WDR49: variants seen among roughly 807,000 people sequenced by gnomAD.
The protein encoded by WDR49 is cilia- and flagella-associated protein 337.
A neutral mutation model predicts 119.5 loss-of-function variants in WDR49; 107 were observed. That is an observed-to-expected ratio of 0.90 (90% CI 0.77 to 1.05). The LOEUF is 1.05. WDR49 is among the 50% of genes least tolerant of loss of function. The pLI is 0.00. For synonymous variants in WDR49, 425 were observed against 418.8 expected, an observed-to-expected ratio of 1.01 and a Z score of -0.18; for missense variants, 1,240 against 1,220.5, an observed-to-expected ratio of 1.02 and a Z score of -0.24.
chr3:167,631,594 G>C (rs1391306796), intron 2 of WDR49, among the ~76,000 whole-genome samples: 1 of 152,030 alleles, frequency 6.6e-6, no homozygotes, highest in Non-Finnish European at 1.5e-5. Flanking sequence ...CACGTTGATG[G>C]GCTGTTTAGT....
intron 18 of WDR49, among the ~76,000 whole-genome samples, chr3:167,494,262 G>A (rs542611836): frequency 6.6e-6 from 1 of 152,288 alleles, no homozygotes; most frequent in African/African-American, 2.4e-5. Flanking sequence ...AAAGCAGAGA[G>A]CTGACTGCAC....
At chr3:167,533,554 G>T (rs771318629) in intron 11 of WDR49, among the ~76,000 whole-genome samples, 2 of 151,618 alleles carry the variant, frequency 1.3e-5, no homozygotes, top group African/African-American at 4.8e-5. Context: ...TGTGTGGGTG[G>T]GTGTGTGTGT....
At chr3:167,553,436 G>A (rs1404873070) in intron 10 of WDR49, among the ~76,000 whole-genome samples, 1 of 151,834 alleles carries the variant, frequency 6.6e-6, no homozygotes, top group Non-Finnish European at 1.5e-5. Context: ...ATTTTCCCTT[G>A]TAAGCAATCA....
chr3:167,586,093 A>G (rs561286664), intron 7 of WDR49, among the ~76,000 whole-genome samples: 14 of 152,364 alleles, frequency 9.2e-5, no homozygotes, highest in South Asian at 4.1e-4. Context: ...GGTCTACAAT[A>G]TAGAAGCCAG....
At chr3:167,487,146 A>G (rs575455121) in intron 18 of WDR49, among the ~76,000 whole-genome samples, 1 of 152,250 alleles carries the variant, frequency 6.6e-6, no homozygotes, top group African/African-American at 2.4e-5. Flanking sequence ...AGGCCACAGT[A>G]ACCAAAACAG....
At chr3:167,491,589 G>A (rs754493171) in intron 18 of WDR49, among the ~76,000 whole-genome samples, 6 of 152,062 alleles carry the variant, frequency 3.9e-5, no homozygotes, top group Non-Finnish European at 8.8e-5. Flanking sequence ...CGTACATTTT[G>A]TCTTTCACAG....
chr3:167,641,628 A>T (rs1717885390), intron 2 of WDR49, among the ~76,000 whole-genome samples: 1 of 151,930 alleles, frequency 6.6e-6, no homozygotes, highest in African/African-American at 2.4e-5. Context: ...TGGAAGTCCT[A>T]TGTAGATAGT....
intron 10 of WDR49, among the ~76,000 whole-genome samples, chr3:167,549,816 T>G (rs1218039502): frequency 6.6e-6 from 1 of 152,216 alleles, no homozygotes; most frequent in Non-Finnish European, 1.5e-5. Context: ...CCAGGATGTT[T>G]ACGGTTTTAG....
At chr3:167,622,933 A>C (rs577144289) in intron 3 of WDR49, among the ~76,000 whole-genome samples, 3 of 152,132 alleles carry the variant, frequency 2.0e-5, no homozygotes, top group Non-Finnish European at 4.4e-5. Context: ...TGGGAAATTC[A>C]CAGCTACATG....
At chr3:167,626,800 A>T in intron 3 of WDR49, 52 bp downstream of exon 3, 2 of 1,219,704 alleles carry the variant, frequency 1.6e-6, no homozygotes, top group Non-Finnish European at 2.1e-6. Flanking sequence ...GCCCTGCCCC[A>T]TAAGTTTTCC....
intron 7 of WDR49, among the ~76,000 whole-genome samples, chr3:167,578,248 C>A (rs1233311808): frequency 1.3e-5 from 2 of 152,066 alleles, no homozygotes; most frequent in African/African-American, 4.8e-5. Flanking sequence ...GGTAGTCATC[C>A]AGCCCTTGTT....
intron 7 of WDR49, among the ~76,000 whole-genome samples, chr3:167,596,444 A>G (rs1271114796): frequency 6.6e-6 from 1 of 151,606 alleles, no homozygotes; most frequent in Admixed American, 6.6e-5. Context: ...GGCATTATTC[A>G]CAATAGCAAA....
At position 167,560,112 on chromosome 3, in the gene WDR49, A is replaced by T. The variant is rs147042567; in HGVS notation, c.1626T>A (p.Asp542Glu). The T allele has an allele frequency of 1.2e-6, 2 of 1,614,212 alleles. No individual in the cohort carries two copies. Among genetic ancestry groups the T allele is most frequent in the Non-Finnish European group, 1.7e-6 (2 of 1,180,030 alleles). Residue 542 changes from aspartate (D) to glutamate (E), a missense_variant, in exon 9 of 19, where the codon GAT becomes GAA. Transcript: ENST00000682715. ...GNAEISTMAL[D>E]ANETRLLTGS... ...CAGTCAAAAGCCGAGTCTCATTTGCATCAAGGGCCATAGTGCTGATTTCTG... is the reference window on the plus strand; with the variant it reads ...CAGTCAAAAGCCGAGTCTCATTTGCTTCAAGGGCCATAGTGCTGATTTCTG...
intron 3 of WDR49, among the ~76,000 whole-genome samples, chr3:167,624,352 A>AAG (rs1486635223): frequency 6.6e-6 from 1 of 151,782 alleles, no homozygotes; most frequent in Non-Finnish European, 1.5e-5. Context: ...TGGTAAAAAA[A>AAG]AAAAGAAAAG....
chr3:167,493,804 G>T (rs1258821440), intron 18 of WDR49, among the ~76,000 whole-genome samples: 10 of 152,202 alleles, frequency 6.6e-5, no homozygotes, highest in African/African-American at 2.4e-4. Context: ...TCTCAGAAAG[G>T]TGTCAGCTTT....
intron 13 of WDR49, among the ~76,000 whole-genome samples, chr3:167,529,510 TG>T (rs1432152615): frequency 6.6e-6 from 1 of 152,192 alleles, no homozygotes; most frequent in Non-Finnish European, 1.5e-5. Context: ...TCTGATGTTT[TG>T]GGGGTATTTA....
intron 2 of WDR49, among the ~76,000 whole-genome samples, chr3:167,628,715 T>C (rs1203636270): frequency 1.3e-5 from 2 of 152,156 alleles, no homozygotes; most frequent in African/African-American, 4.8e-5. Flanking sequence ...GCAAGTTATC[T>C]ATAATCTCTA....
chr3:167,532,938 G>A lies in WDR49; in HGVS notation c.1994C>T (p.Thr665Ile), dbSNP rs755342667. The A allele has an allele frequency of 1.2e-6, 2 of 1,609,596 alleles. No homozygotes were observed. The highest frequency in any genetic ancestry group is 8.5e-7 in the Non-Finnish European group (1 of 1,176,958). Residue 665 changes from threonine to isoleucine, a missense_variant, in exon 12 of 19, where the codon ACA becomes ATA. Physicochemically the swap from Thr to Ile is moderately conservative, Grantham distance 89. Transcript: ENST00000682715. Reference protein sequence around the residue: ...DGEIVLWNNSTENAHHVLHPD... With the variant: ...DGEIVLWNNSIENAHHVLHPD... ...GTGAAGAACATGGTGAGCATTCTCT[G>A]TGCTATTGTTCCATAGAACAATTTC...
At chr3:167,653,572 G>A in intron 1 of WDR49, 73 bp from the exon 2 acceptor site, 1 of 906,312 alleles carries the variant, frequency 1.1e-6, no homozygotes, top group Non-Finnish European at 1.6e-6. Flanking sequence ...ATACGATCAG[G>A]AGGCAAAATG....
Sources: allele counts gnomAD v4.1 joint callset (sites outside exome capture counted in the v4.1 genomes callset), GRCh38; gene constraint gnomAD v4.1.1; transcripts MANE v1.5; gene names NCBI Gene and HGNC (gene_info 2026-07-23, HGNC 2026-07-21).